The following AKAP13 variants were observed in gnomAD, a reference collection of about 807,000 sequenced individuals.
AKAP13 encodes the protein A-kinase anchor protein 13.
In AKAP13, 80 loss-of-function variants were observed where a neutral mutation model predicts 264.5. The observed-to-expected ratio is 0.30, with a 90% CI of 0.25 to 0.36. The LOEUF is 0.36. AKAP13 is among the 10% of genes least tolerant of loss of function. The pLI, the probability that AKAP13 is intolerant of heterozygous loss-of-function variation, is 1.00. For missense variants in AKAP13, 3,712 were observed against 3,435.2 expected (o/e 1.08, Z -2.01); for synonymous variants, 1,380 against 1,250.2 (o/e 1.10, Z -2.19).
rs117527566 is a variant in AKAP13 at position 85,687,017 on chromosome 15, C to T, written c.5289+2144C>T. On this transcript the variant is annotated intron_variant, in intron 16 of 36. Coordinates refer to ENST00000394518, the MANE Select transcript of AKAP13 (RefSeq NM_007200.5). Reference sequence around the variant, plus strand: ...GATTCCCCCTTTCTAGCCATCTCCCCAATGTCATGGAGTTTTAGGACAGAG... The same window carrying T: ...GATTCCCCCTTTCTAGCCATCTCCCTAATGTCATGGAGTTTTAGGACAGAG... Among the ~76,000 whole-genome samples the T allele has an allele frequency of 2.0e-5, 3 of 152,198 alleles. No individual in the cohort carries two copies. In the East Asian group the frequency reaches 5.8e-4, roughly 29 times the overall value.
intron 1 of AKAP13, among the ~76,000 whole-genome samples, chr15:85,437,321 A>G (rs1227130134): frequency 6.6e-6 from 1 of 152,220 alleles, no homozygotes; most frequent in African/African-American, 2.4e-5. Flanking sequence ...AATTATGGCA[A>G]TAATCAATAG....
chr15:85,475,358 G>T (rs559954034), intron 1 of AKAP13, among the ~76,000 whole-genome samples: 1 of 152,282 alleles, frequency 6.6e-6, no homozygotes, highest in African/African-American at 2.4e-5. Flanking sequence ...ACAGGATACA[G>T]CTGGTGGCAA....
At chr15:85,527,237 A>G (rs1440844254) in intron 3 of AKAP13, among the ~76,000 whole-genome samples, 5 of 152,204 alleles carry the variant, frequency 3.3e-5, no homozygotes, top group African/African-American at 9.7e-5. Flanking sequence ...TGCTGGGATT[A>G]CAAGCGTGAG....
Position 85,558,862 on chromosome 15 carries a change from T to C in AKAP13, c.662+14907T>C, listed in dbSNP as rs550390947. Among the ~76,000 whole-genome samples, 5 of 152,250 alleles carry C rather than the reference T, an allele frequency of 3.3e-5. No homozygotes were observed. The South Asian group carries it at 1.0e-3, about 32-fold the overall frequency. ...GGTTTCTGTTTGATTTTGTTTTGTG[T>C]TTTTGCCCCACGAGAAAGCTAAAGA... On this transcript the variant is annotated intron_variant, in intron 5 of 36. Transcript: ENST00000394518.
chr15:85,534,649 G>C (rs1160463598), intron 4 of AKAP13: 2 of 151,594 alleles, frequency 1.3e-5, no homozygotes, highest in Non-Finnish European at 2.9e-5. Flanking sequence ...TGTTAGTCAG[G>C]CTGGTCTCGA....
intron 4 of AKAP13, among the ~76,000 whole-genome samples, chr15:85,543,274 T>C (rs187781464): frequency 1.3e-5 from 2 of 152,308 alleles, no homozygotes; most frequent in Admixed American, 1.3e-4. Context: ...AGAACCTGTT[T>C]TTAGTGTTTA....
intron 1 of AKAP13, among the ~76,000 whole-genome samples, chr15:85,425,534 G>A (rs1244028887): frequency 6.6e-6 from 1 of 151,964 alleles, no homozygotes; most frequent in Admixed American, 6.6e-5. Flanking sequence ...TGGCCAACAT[G>A]GTGAAACCTC....
intron 1 of AKAP13, among the ~76,000 whole-genome samples, chr15:85,430,898 C>G (rs375870195): frequency 6.6e-6 from 1 of 152,018 alleles, no homozygotes; most frequent in Non-Finnish European, 1.5e-5. Flanking sequence ...TGAAAAGATC[C>G]CACATTCAAA....
intron 1 of AKAP13, among the ~76,000 whole-genome samples, chr15:85,428,317 A>G (rs1441751672): frequency 6.6e-6 from 1 of 152,184 alleles, no homozygotes; most frequent in Non-Finnish European, 1.5e-5. Context: ...CTCCTGCCTC[A>G]GCCTCCCAAG....
At chr15:85,597,012 A>G (rs2079850013) in intron 8 of AKAP13, among the ~76,000 whole-genome samples, 1 of 152,184 alleles carries the variant, frequency 6.6e-6, no homozygotes, top group Non-Finnish European at 1.5e-5. Flanking sequence ...AGAAAGATAG[A>G]TTAGTAGAAA....
intron 2 of AKAP13, among the ~76,000 whole-genome samples, chr15:85,501,397 G>A (rs373992910): frequency 2.0e-5 from 3 of 152,150 alleles, no homozygotes; most frequent in East Asian, 3.9e-4. Flanking sequence ...CTCCTTGACC[G>A]TGAGACAGAG....
At chr15:85,469,335 T>G (rs186286074) in intron 1 of AKAP13, among the ~76,000 whole-genome samples, 5 of 152,210 alleles carry the variant, frequency 3.3e-5, no homozygotes, top group African/African-American at 1.2e-4. Context: ...CTAGAATAGA[T>G]AGACCTGAGG....
rs1365062537 is a variant in AKAP13, at chr15:85,746,058, C to G, written c.*1381C>G. 1 of 152,306 alleles carries G rather than the reference C, an allele frequency of 6.6e-6. No individual in the cohort carries two copies. The highest frequency in any genetic ancestry group is 6.5e-5 in the Admixed American group (1 of 15,272). 9.4% of individuals were successfully genotyped at this position (152,306 alleles called of 1,614,324 possible). A position where few individuals can be genotyped will look rare whatever the true frequency, so the allele number is the denominator to read the frequency against. On this transcript the variant is annotated 3_prime_UTR_variant, in exon 37 of 37. Coordinates refer to ENST00000394518, the MANE Select transcript of AKAP13 (RefSeq NM_007200.5). ...ATGGTAATGTTGCCCTCTGAGGCCC[C>G]GTACACCAGAAGGGAGGCCCTGGAA... is the stretch of plus-strand genomic sequence containing the variant.
intron 1 of AKAP13, among the ~76,000 whole-genome samples, chr15:85,401,155 C>T (rs770135984): frequency 3.9e-5 from 6 of 152,000 alleles, no homozygotes; most frequent in Middle Eastern, 3.2e-3. Flanking sequence ...AGCCACTGTG[C>T]CCGGCATATT....
intron 2 of AKAP13, among the ~76,000 whole-genome samples, chr15:85,499,377 A>G (rs977108396): frequency 6.6e-6 from 1 of 152,202 alleles, no homozygotes; most frequent in Admixed American, 6.5e-5. Context: ...TATGCTTTGC[A>G]GTAGTAGCAG....
chr15:85,540,594 A>G lies in AKAP13; in HGVS notation c.479-3178A>G, dbSNP rs148708725. Among the ~76,000 whole-genome samples the G allele has an allele frequency of 2.7e-4, 41 of 152,344 alleles. No homozygotes were observed. The East Asian group carries it at 7.5e-3, about 28-fold the overall frequency. On this transcript the variant is annotated intron_variant, in intron 4 of 36. Transcript: ENST00000394518. ...TCAGATTACAGAGGAGTACTGATGCAGAGAAAAGGGAACAGAGATTGATCC... is the reference window on the plus strand; with the variant it reads ...TCAGATTACAGAGGAGTACTGATGCGGAGAAAAGGGAACAGAGATTGATCC...
chr15:85,498,775 G>A (rs111253294), intron 2 of AKAP13, among the ~76,000 whole-genome samples: 2 of 152,258 alleles, frequency 1.3e-5, no homozygotes, highest in African/African-American at 4.8e-5. Context: ...GCTGGCTCTT[G>A]GTGTGAGGTC....
At chr15:85,562,933 C>G (rs2078456981) in intron 5 of AKAP13, among the ~76,000 whole-genome samples, 1 of 149,560 alleles carries the variant, frequency 6.7e-6, no homozygotes, top group Admixed American at 6.7e-5. Flanking sequence ...AGGCTGGTCT[C>G]AAACTCCTGA....
chr15:85,597,155 A>G (rs1360254092), intron 8 of AKAP13, among the ~76,000 whole-genome samples: 1 of 152,240 alleles, frequency 6.6e-6, no homozygotes, highest in African/African-American at 2.4e-5. Context: ...ATGGGAATCC[A>G]AAATCTTCCA....
Sources: allele counts gnomAD v4.1 joint callset (sites outside exome capture counted in the v4.1 genomes callset), GRCh38; gene constraint gnomAD v4.1.1; transcripts MANE v1.5; gene names NCBI Gene and HGNC (gene_info 2026-07-23, HGNC 2026-07-21).